The following MPZL1 variants were observed in gnomAD, a reference collection of about 807,000 sequenced individuals.
MPZL1 encodes the protein myelin protein zero like 1, also known as myelin protein zero-like protein 1.
MPZL1 carries 16 observed loss-of-function variants against 29.3 expected under a neutral mutation model. The observed-to-expected ratio is 0.55, with a 90% confidence interval of 0.37 to 0.83. The LOEUF (loss-of-function observed/expected upper bound fraction) is 0.83. MPZL1 is among the 40% of genes least tolerant of loss of function. MPZL1 has a pLI of 0.00. For missense variants in MPZL1, 279 were observed against 332.9 expected, an observed-to-expected ratio of 0.84 and a Z score of 1.26; for synonymous variants, 143 against 132.0, an observed-to-expected ratio of 1.08 and a Z score of -0.57.
In MPZL1 at chr1:167,737,250, G is replaced by C. The variant is rs576152645; in HGVS notation, c.91+15008G>C. Among the ~76,000 whole-genome samples, 3 of 152,306 alleles carry C rather than the reference G, an allele frequency of 2.0e-5. No homozygotes were observed. The East Asian group carries it at 5.8e-4, about 29-fold the overall frequency. ...TATATATTAGATGAACTGTTGAACT[G>C]TACTCAAGTGGAAATTACAAACATC... is the stretch of plus-strand genomic sequence containing the variant. On this transcript the variant is annotated intron_variant, in intron 1 of 5. Transcript: ENST00000359523.
intron 1 of MPZL1, among the ~76,000 whole-genome samples, chr1:167,741,183 ATTTTTTTTTTT>A (rs1161469215): frequency 7.7e-6 from 1 of 130,260 alleles, no homozygotes. Context: ...CGCCTGGCTA[ATTTTTTTTTTT>A]TTTTTTTTTA....
intron 1 of MPZL1, among the ~76,000 whole-genome samples, chr1:167,741,899 G>A (rs952786643): frequency 6.6e-6 from 1 of 152,016 alleles, no homozygotes; most frequent in African/African-American, 2.4e-5. Context: ...TGGGCCTGAT[G>A]GCTCACACCT....
At chr1:167,731,120 G>C (rs758572942) in intron 1 of MPZL1, among the ~76,000 whole-genome samples, 1 of 152,196 alleles carries the variant, frequency 6.6e-6, no homozygotes, top group Non-Finnish European at 1.5e-5. Flanking sequence ...TTTGTAATCA[G>C]GTTGAATAAT....
At position 167,721,995 on chromosome 1, in the gene MPZL1, G is replaced by T. The variant is rs1660036686; in HGVS notation, c.-157G>T. 2.7e-6 allele frequency: 3 copies of T among 1,103,868 alleles called. No homozygotes were observed. Among genetic ancestry groups the T allele is most frequent in the South Asian group, 4.7e-5 (1 of 21,354 alleles). 68.4% of individuals were successfully genotyped at this position (1,103,868 alleles called of 1,614,324 possible). ...TGAGGCTTCGGTGCAGAGCTGGAGA[G>T]CCGCGGCTGGGACCGGAGTGGGGAG... On this transcript the variant is annotated 5_prime_UTR_variant, in exon 1 of 6. Coordinates refer to ENST00000359523, the MANE Select transcript of MPZL1 (RefSeq NM_003953.6).
At chr1:167,724,733 G>A (rs886860194) in intron 1 of MPZL1, among the ~76,000 whole-genome samples, 13 of 152,166 alleles carry the variant, frequency 8.5e-5, no homozygotes, top group Admixed American at 5.2e-4. Context: ...ATGGAGATGG[G>A]CAGAAAACAA....
rs746984094 is a variant in MPZL1 at position 167,770,989 on chromosome 1, TG to T, written c.259-1285del. Among the ~76,000 whole-genome samples, 93 of 152,014 alleles carry T rather than the reference TG, an allele frequency of 6.1e-4. No homozygotes were observed. In the Middle Eastern group the frequency reaches 0.014, roughly 22 times the overall value. Reference sequence around the variant, plus strand: ...ATTCCATAACTTGTGATTTGTAATATGATGTTGCATTTCTTTTTTTTTTTTT... The same window carrying T: ...ATTCCATAACTTGTGATTTGTAATATATGTTGCATTTCTTTTTTTTTTTTT... On this transcript the variant is annotated intron_variant, in intron 2 of 5. Transcript: ENST00000359523.
chr1:167,733,140 A>G lies in MPZL1; in HGVS notation c.91+10898A>G, dbSNP rs188633252. Among the ~76,000 whole-genome samples, 21 of 152,312 alleles carry G rather than the reference A, an allele frequency of 1.4e-4. No individual in the cohort carries two copies. The East Asian group carries it at 3.9e-3, about 28-fold the overall frequency. ...CAAGTAAGAATTTAGTAGGTTTCCT[A>G]TCTATTTCACTTGTAGGAATACCGT... On this transcript the variant is annotated intron_variant, in intron 1 of 5. Transcript: ENST00000359523.
At chr1:167,725,440 A>G (rs950984258) in intron 1 of MPZL1, among the ~76,000 whole-genome samples, 15 of 152,022 alleles carry the variant, frequency 9.9e-5, no homozygotes, top group Admixed American at 5.9e-4. Flanking sequence ...ATGCACCACC[A>G]TGCCTGGCTA....
intron 2 of MPZL1, among the ~76,000 whole-genome samples, chr1:167,771,257 C>G (rs1253948319): frequency 6.6e-6 from 1 of 152,074 alleles, no homozygotes; most frequent in East Asian, 1.9e-4. Context: ...CGCCCTTAAT[C>G]CATTTCACCC....
intron 1 of MPZL1, among the ~76,000 whole-genome samples, chr1:167,741,914 T>C (rs538379381): frequency 6.6e-6 from 1 of 151,988 alleles, no homozygotes; most frequent in Non-Finnish European, 1.5e-5. Flanking sequence ...ACACCTGTAG[T>C]CCCAGCTACT....
chr1:167,768,794 C>T (rs1184089207), intron 2 of MPZL1, among the ~76,000 whole-genome samples: 1 of 152,220 alleles, frequency 6.6e-6, no homozygotes, highest in East Asian at 1.9e-4. Flanking sequence ...GGAGCTGTCT[C>T]AGACCCAGTG....
At chr1:167,784,262 A>G (rs185916320) in intron 5 of MPZL1, among the ~76,000 whole-genome samples, 3 of 152,344 alleles carry the variant, frequency 2.0e-5, no homozygotes, top group Admixed American at 2.0e-4. Context: ...AACATTTTCA[A>G]TAGCTAAGGC....
rs3088322 is a variant in MPZL1 at position 167,789,664 on chromosome 1, A to C, written c.*1743A>C. The C allele has an allele frequency of 6.6e-6, 1 of 152,036 alleles. No homozygotes were observed. Among genetic ancestry groups the C allele is most frequent in the Non-Finnish European group, 1.5e-5 (1 of 68,010 alleles). The allele number at this position is 152,036 out of a possible 1,614,324, so 9.4% of individuals were successfully genotyped here. On this transcript the variant is annotated 3_prime_UTR_variant, in exon 6 of 6. Coordinates refer to ENST00000359523, the MANE Select transcript of MPZL1 (RefSeq NM_003953.6). The stretch of plus-strand genomic sequence containing the variant: ...TGTAACGCTCCACCTTACATGCCAC[A>C]TCTGTGTGAGTCAACAGGGATCAGG...
chr1:167,765,891 GC>G, intron 2 of MPZL1, 142 bp downstream of exon 2: 1 of 695,720 alleles, frequency 1.4e-6, no homozygotes, highest in South Asian at 3.6e-5. Flanking sequence ...CCCTTCTTTT[GC>G]TTCAGGATAA....
chr1:167,739,282 C>CATATATACATATATATATATAT (rs1387652331), intron 1 of MPZL1, among the ~76,000 whole-genome samples: 1,009 of 89,830 alleles, frequency 0.011, 8 homozygotes, highest in Middle Eastern at 0.016. Flanking sequence ...TACATATATA[C>CATATATACATATATATATATAT]ATATATATAT....
At chr1:167,759,550 C>T (rs1419051314) in intron 1 of MPZL1, among the ~76,000 whole-genome samples, 2 of 152,216 alleles carry the variant, frequency 1.3e-5, no homozygotes, top group Non-Finnish European at 2.9e-5. Context: ...AGATGCCATT[C>T]GTGCTCACCG....
intron 1 of MPZL1, among the ~76,000 whole-genome samples, chr1:167,735,076 C>T (rs555525902): frequency 1.8e-4 from 28 of 152,332 alleles, no homozygotes; most frequent in South Asian, 2.1e-4. Context: ...ATCTTTCAGA[C>T]ATAAAGTTTT....
At chr1:167,772,246 G>A (rs1661268218) in intron 2 of MPZL1, 29 bp from the exon 3 acceptor site, 1 of 1,553,140 alleles carries the variant, frequency 6.4e-7, no homozygotes, top group Admixed American at 1.7e-5. Flanking sequence ...TTTGAGAATA[G>A]TTCATGTGTT....
At chr1:167,730,342 G>A (rs559825195) in intron 1 of MPZL1, among the ~76,000 whole-genome samples, 4 of 151,556 alleles carry the variant, frequency 2.6e-5, no homozygotes, top group African/African-American at 4.8e-5. Flanking sequence ...GCAGTGGCAC[G>A]ATCTCCACTC....
Sources: allele counts gnomAD v4.1 joint callset (sites outside exome capture counted in the v4.1 genomes callset), GRCh38; gene constraint gnomAD v4.1.1; transcripts MANE v1.5; gene names NCBI Gene and HGNC (gene_info 2026-07-23, HGNC 2026-07-21).